The following TMEM63B variants were observed in gnomAD, a reference collection of about 807,000 sequenced individuals.
TMEM63B encodes the protein mechanosensitive cation channel TMEM63B.
In TMEM63B, 23 loss-of-function variants were observed where a neutral mutation model predicts 102.6. That is an observed-to-expected ratio of 0.22 (90% CI 0.16 to 0.32). The LOEUF (loss-of-function observed/expected upper bound fraction) is 0.32, where lower values mean the gene tolerates loss of function less well. Ranked by LOEUF, TMEM63B falls within the 10% of genes least tolerant of loss-of-function variation. TMEM63B has a pLI of 1.00. For synonymous variants in TMEM63B, 444 were observed against 437.0 expected (o/e 1.02, Z -0.20); for missense variants, 628 against 1,095.9 (o/e 0.57, Z 6.03).
chr6:44,127,256 C>G (rs1777270342), upstream of TMEM63B: 1 of 152,098 alleles, frequency 6.6e-6, no homozygotes, highest in South Asian at 2.1e-4. Flanking sequence ...CTCACTCACC[C>G]CGGGGAGTGG....
At chr6:44,141,230 A>C in intron 10 of TMEM63B, 132 bp downstream of exon 10, 1 of 913,604 alleles carries the variant, frequency 1.1e-6, no homozygotes. Flanking sequence ...ATCCAGGAAG[A>C]AATGTCCGAT....
intron 6 of TMEM63B, chr6:44,139,064 ACTC>A: frequency 4.0e-6 from 1 of 247,046 alleles, no homozygotes; most frequent in Non-Finnish European, 7.9e-6. Flanking sequence ...CTCTTTCACC[ACTC>A]CTCCTCCTGC....
At chr6:44,146,463 T>TTTTTTTTTTTTTTA (rs1176291597) in intron 10 of TMEM63B, among the ~76,000 whole-genome samples, 3 of 151,572 alleles carry the variant, frequency 2.0e-5, no homozygotes, top group South Asian at 2.1e-4. Context: ...TTTTGTCTTT[T>TTTTTTTTTTTTTTA]TTTTTGAGAT....
rs150713623 is a variant in TMEM63B, at chr6:44,145,762, C to G, written c.783-1085C>G. Among the ~76,000 whole-genome samples the G allele has an allele frequency of 2.1e-4, 32 of 151,998 alleles. No homozygotes were observed. In the South Asian group the frequency reaches 6.2e-3, roughly 30 times the overall value. ...ACCAGCCTGGGCAATACAACAAGACCCCATCTCAGAATATTTGAAACAAAC... is the reference window on the plus strand; with the variant it reads ...ACCAGCCTGGGCAATACAACAAGACGCCATCTCAGAATATTTGAAACAAAC... On this transcript the variant is annotated intron_variant, in intron 10 of 23. Transcript: ENST00000323267.
intron 6 of TMEM63B, chr6:44,138,736 G>GGCCCCCCCCCC (rs567563400): frequency 4.2e-5 from 12 of 288,668 alleles, no homozygotes; most frequent in South Asian, 1.7e-4. Context: ...CCCCCTGCCG[G>GGCCCCCCCCCC]CCCCCCCGCT....
chr6:44,147,534 G>C lies in TMEM63B; in HGVS notation c.987+34G>C, dbSNP rs773464446. 33 of 1,610,494 alleles carry C rather than the reference G, an allele frequency of 2.0e-5. No individual in the cohort carries two copies. In the Admixed American group the frequency reaches 3.9e-4, roughly 19 times the overall value. ...CGGGCTGGCTGTTGAGTCGGGAGAAGTTGGACAGGTCCTGGGCAGGCAAGG... is the reference window on the plus strand; with the variant it reads ...CGGGCTGGCTGTTGAGTCGGGAGAACTTGGACAGGTCCTGGGCAGGCAAGG... On this transcript the variant is annotated intron_variant, in intron 12 of 23. Transcript: ENST00000323267.
chr6:44,136,217 C>G, intron 4 of TMEM63B, 132 bp from the exon 5 acceptor site: 2 of 698,262 alleles, frequency 2.9e-6, no homozygotes, highest in Admixed American at 4.4e-5. Flanking sequence ...AGTCATTCCT[C>G]TCTGCTTCAG....
intron 1 of TMEM63B, among the ~76,000 whole-genome samples, chr6:44,128,579 C>T (rs1777679212): frequency 6.6e-6 from 1 of 152,264 alleles, no homozygotes; most frequent in Non-Finnish European, 1.5e-5. Context: ...CTGTGCTGCC[C>T]CCTGCCTGGG....
chr6:44,135,171 C>G, intron 3 of TMEM63B, 75 bp downstream of exon 3: 1 of 1,585,634 alleles, frequency 6.3e-7, no homozygotes, highest in Admixed American at 1.7e-5. Context: ...TAGGAAGGAG[C>G]CAGCCCTCTC....
chr6:44,152,580 G>A lies in TMEM63B; in HGVS notation c.1837-13G>A, dbSNP rs776652391. The A allele has an allele frequency of 1.4e-5, 23 of 1,599,624 alleles. No homozygotes were observed. The highest frequency in any genetic ancestry group is 6.7e-5 in the East Asian group (3 of 44,724). ...GCCTCCCTGAGCCATCCTCCTGCCC[G>A]TCTCCCCCCCAGCATCAGGCCTACG... On this transcript the variant is annotated splice_polypyrimidine_tract_variant and intron_variant, in intron 19 of 23. Transcript: ENST00000323267. The surrounding 1 kb of genome is among the most constrained non-coding windows in gnomAD (Gnocchi z 6.4).
chr6:44,150,299 G>A lies in TMEM63B; in HGVS notation c.1596G>A (p.Leu532=). Residue 532 remains leucine, a synonymous_variant, in exon 17 of 24, where the codon CTG becomes CTA. Transcript: ENST00000323267. The surrounding 1 kb of genome is among the most constrained non-coding windows in gnomAD (Gnocchi z 4.7). ...LIFMVLLLPS[L]GLSSLDLFFR... ...TCATGGTGCTGCTCCTACCCTCGCT[G>A]GGACTGAGCAGGTGAGTTGAGAAGG... 6.2e-7 allele frequency: 1 copy of A among 1,614,044 alleles called. No individual in the cohort carries two copies. Among genetic ancestry groups the A allele is most frequent in the Non-Finnish European group, 8.5e-7 (1 of 1,179,998 alleles).
At position 44,149,925 on chromosome 6, in the gene TMEM63B, A is replaced by G. The variant is rs1693076932; in HGVS notation, c.1480A>G (p.Ile494Val). The change falls in exon 16 of 24, where the codon ATC becomes GTC. Residue 494 changes from isoleucine (I) to valine (V), a missense_variant. Transcript: ENST00000323267. Reference protein sequence around the residue: ...LWCFSALLPTIVYYSAFFEAH... With the variant: ...LWCFSALLPTVVYYSAFFEAH... ...GTGCTTCTCGGCCCTCCTTCCCACC[A>G]TCGTCTACTACTCAGCCTTCTTTGA... 6.2e-7 allele frequency: 1 copy of G among 1,613,674 alleles called. No individual in the cohort carries two copies. Among genetic ancestry groups the G allele is most frequent in the Non-Finnish European group, 8.5e-7 (1 of 1,179,870 alleles).
intron 1 of TMEM63B, chr6:44,132,187 C>G (rs1461178544): frequency 1.1e-6 from 1 of 904,172 alleles, no homozygotes; most frequent in Middle Eastern, 5.7e-4. Context: ...GGATAGTGAT[C>G]TGAGTGTGCC....
chr6:44,149,421 G>A (rs1434662845), intron 15 of TMEM63B, among the ~76,000 whole-genome samples: 2 of 152,156 alleles, frequency 1.3e-5, no homozygotes, highest in Admixed American at 6.6e-5. Context: ...GAACCTCAGA[G>A]TTTGAAGAAG....
chr6:44,151,590 C>T (rs149267667), intron 18 of TMEM63B, among the ~76,000 whole-genome samples: 13 of 152,260 alleles, frequency 8.5e-5, no homozygotes, highest in African/African-American at 3.1e-4. Flanking sequence ...CTCCCCTGAA[C>T]ATTCTAGCAG....
At chr6:44,138,606 G>A in intron 6 of TMEM63B, 89 bp downstream of exon 6, 1 of 1,528,720 alleles carries the variant, frequency 6.5e-7, no homozygotes, top group Non-Finnish European at 9.0e-7. Flanking sequence ...GCAGCTTTCA[G>A]GGCCTTAGCA....
intron 1 of TMEM63B, among the ~76,000 whole-genome samples, chr6:44,131,080 G>C (rs1778176960): frequency 6.6e-6 from 1 of 151,654 alleles, no homozygotes; most frequent in Non-Finnish European, 1.5e-5. Context: ...ACCACACCCA[G>C]CTAATTTTTG....
At chr6:44,149,836 C>T (rs199739492) in intron 15 of TMEM63B, 23 bp from the exon 16 acceptor site, 508 of 1,588,932 alleles carry the variant, frequency 3.2e-4, no homozygotes, top group Admixed American at 1.4e-3. Flanking sequence ...CCCTGCCTGA[C>T]GCCCCCCTGT....
rs572179098 is a variant in TMEM63B at position 44,140,478 on chromosome 6, A to G, written c.711+118A>G. 401 of 777,596 alleles carry G rather than the reference A, an allele frequency of 5.2e-4. 4 individuals are homozygous for G. The South Asian group carries it at 5.6e-3, about 11-fold the overall frequency. The allele number at this position is 777,596 out of a possible 1,614,324, so 48.2% of individuals were successfully genotyped here. A position where few individuals can be genotyped will look rare whatever the true frequency, so the allele number is the denominator to read the frequency against. The stretch of plus-strand genomic sequence containing the variant: ...AGCTAGGTTTGAATGCTGGCACAGC[A>G]GCTCAGGAGCTCCCATCCTGCAAGT... On this transcript the variant is annotated intron_variant, in intron 9 of 23. Coordinates refer to ENST00000323267, the MANE Select transcript of TMEM63B (RefSeq NM_018426.3).
Sources: gnomAD v4.1 joint callset for allele counts (sites outside exome capture counted in the v4.1 genomes callset) on GRCh38, gnomAD v4.1.1 for gene constraint, Gnocchi (gnomAD v3.1) non-coding constraint, MANE v1.5 for transcripts, NCBI Gene and HGNC (gene_info 2026-07-23, HGNC 2026-07-21) for gene names.